Variants in LNX1 observed in about 807,000 individuals in gnomAD.
The protein encoded by LNX1 is ligand of numb-protein X 1.
A neutral mutation model predicts 68.4 loss-of-function variants in LNX1; 54 were observed. The observed-to-expected ratio is 0.79, with a 90% confidence interval of 0.63 to 0.99. The LOEUF (loss-of-function observed/expected upper bound fraction) is 0.99, where lower values mean the gene tolerates loss of function less well. LNX1 is among the 50% of genes least tolerant of loss of function. The pLI is 0.00. For missense variants in LNX1, 906 were observed against 926.4 expected, an observed-to-expected ratio of 0.98 and a Z score of 0.29; for synonymous variants, 336 against 350.0, an observed-to-expected ratio of 0.96 and a Z score of 0.45.
chr4:53,462,744 T>TCATA (rs1560607495), intron 9 of LNX1, among the ~76,000 whole-genome samples: 1 of 152,160 alleles, frequency 6.6e-6, no homozygotes, highest in Non-Finnish European at 1.5e-5. Context: ...GAATCTATCG[T>TCATA]CATACATACA....
intron 2 of LNX1, among the ~76,000 whole-genome samples, chr4:53,557,338 G>T (rs1165443823): frequency 6.6e-6 from 1 of 152,116 alleles, no homozygotes; most frequent in African/African-American, 2.4e-5. Flanking sequence ...AAATATGGGT[G>T]CTCAAGGCAT....
chr4:53,641,566 G>A (rs1026153248), intron 1 of LNX1, among the ~76,000 whole-genome samples: 6 of 152,158 alleles, frequency 3.9e-5, no homozygotes, highest in African/African-American at 1.4e-4. Context: ...TCAACCTAAT[G>A]CACATATTTA....
intron 2 of LNX1, among the ~76,000 whole-genome samples, chr4:53,545,750 G>A (rs1729067046): frequency 6.6e-6 from 1 of 151,136 alleles, no homozygotes; most frequent in African/African-American, 2.4e-5. Flanking sequence ...TACACAGCTA[G>A]TCAGTGATGA....
intron 2 of LNX1, among the ~76,000 whole-genome samples, chr4:53,550,251 C>G (rs116109212): frequency 1.3e-5 from 2 of 152,188 alleles, no homozygotes; most frequent in Non-Finnish European, 2.9e-5. Context: ...ATGTGCTGAA[C>G]TGAAATGCTT....
chr4:53,607,206 G>A (rs1190244917), intron 2 of LNX1, among the ~76,000 whole-genome samples: 1 of 152,162 alleles, frequency 6.6e-6, no homozygotes, highest in Non-Finnish European at 1.5e-5. Flanking sequence ...TCTACACCTA[G>A]AAAATTCCAT....
intron 9 of LNX1, among the ~76,000 whole-genome samples, chr4:53,472,912 G>T (rs1723330946): frequency 6.6e-6 from 1 of 152,080 alleles, no homozygotes; most frequent in Admixed American, 6.6e-5. Flanking sequence ...AACCCTACCA[G>T]TAAGAAGAGA....
chr4:53,552,596 A>T (rs1350891137), intron 2 of LNX1, among the ~76,000 whole-genome samples: 1 of 152,140 alleles, frequency 6.6e-6, no homozygotes, highest in East Asian at 1.9e-4. Flanking sequence ...TGGGAGGCTG[A>T]GGTGGGTGGA....
chr4:53,496,669 C>CT (rs1725088730), intron 5 of LNX1: 1 of 363,642 alleles, frequency 2.7e-6, no homozygotes, highest in Non-Finnish European at 4.9e-6. Flanking sequence ...GAATCCTAGC[C>CT]TTCATTTCTG....
chr4:53,620,185 CTATT>C (rs1160090607), upstream of LNX1, among the ~76,000 whole-genome samples: 1 of 152,276 alleles, frequency 6.6e-6, no homozygotes, highest in African/African-American at 2.4e-5. Flanking sequence ...TGTCATCTGT[CTATT>C]TATCTATCTA....
chr4:53,637,251 A>C (rs143197560), intron 1 of LNX1, among the ~76,000 whole-genome samples: 92 of 152,230 alleles, frequency 6.0e-4, no homozygotes, highest in African/African-American at 2.0e-3. Flanking sequence ...CTTGTGTTTT[A>C]CTTTCTTCAC....
intron 2 of LNX1, among the ~76,000 whole-genome samples, chr4:53,535,477 A>G (rs4334807): frequency 0.089 from 13,525 of 152,268 alleles, 581 homozygotes; most frequent in Non-Finnish European, 0.099. Flanking sequence ...AATCTAACAA[A>G]ACAAATTGGC....
rs148060948 is a variant in LNX1 at position 53,559,582 on chromosome 4, A to G, written c.380+14041T>C. 3.6e-3 allele frequency among the ~76,000 whole-genome samples: 541 copies of G among 152,318 alleles called. 2 individuals carry two copies. The highest frequency in any genetic ancestry group is 0.012 in the African/African-American group (513 of 41,570). ...TAGTGCTTAACTCAGAGTGCTAGTA[A>G]GAAGGTGAAATGAGGCAATGCCCAT... is the stretch of plus-strand genomic sequence containing the variant. On this transcript the variant is annotated intron_variant, in intron 2 of 10. Transcript: ENST00000263925.
intron 2 of LNX1, among the ~76,000 whole-genome samples, chr4:53,566,006 C>T (rs1279289061): frequency 1.3e-5 from 2 of 151,766 alleles, no homozygotes; most frequent in Non-Finnish European, 2.9e-5. Flanking sequence ...TGTGAAGAGA[C>T]CAAATCTACG....
chr4:53,575,959 G>A, intron 1 of LNX1: 1 of 1,564,936 alleles, frequency 6.4e-7, no homozygotes, highest in Non-Finnish European at 8.6e-7. Flanking sequence ...GGAGTGGCTG[G>A]GTGCCCTACT....
intron 1 of LNX1, among the ~76,000 whole-genome samples, chr4:53,626,775 T>C (rs1285499697): frequency 6.8e-6 from 1 of 147,622 alleles, no homozygotes; most frequent in Non-Finnish European, 1.5e-5. Flanking sequence ...CAGGGTTTCT[T>C]AAGGGTTTCA....
intron 1 of LNX1, among the ~76,000 whole-genome samples, chr4:53,626,078 A>T (rs1020355246): frequency 5.2e-4 from 79 of 152,198 alleles, no homozygotes; most frequent in Admixed American, 2.2e-3. Flanking sequence ...GAATATTGAC[A>T]TATGTTGCGA....
chr4:53,582,569 T>C (rs192176396), intron 1 of LNX1, among the ~76,000 whole-genome samples: 7 of 152,366 alleles, frequency 4.6e-5, no homozygotes, highest in Non-Finnish European at 1.0e-4. Flanking sequence ...TTTTGCACAT[T>C]TAAAAGTTAT....
At chr4:53,529,201 A>ACACAATC (rs1329420495) in intron 2 of LNX1, among the ~76,000 whole-genome samples, 4 of 152,050 alleles carry the variant, frequency 2.6e-5, no homozygotes, top group Non-Finnish European at 2.9e-5. Context: ...CACTGAACTG[A>ACACAATC]CACAATCTAG....
upstream of LNX1, among the ~76,000 whole-genome samples, chr4:53,620,629 G>C (rs1169396960): frequency 6.6e-6 from 1 of 152,160 alleles, no homozygotes; most frequent in Admixed American, 6.6e-5. Context: ...TGGATGCACT[G>C]AAGTCCCGGA....
Sources: gnomAD v4.1 joint callset for allele counts (sites outside exome capture counted in the v4.1 genomes callset) on GRCh38, gnomAD v4.1.1 for gene constraint, MANE v1.5 for transcripts, NCBI Gene and HGNC (gene_info 2026-07-23, HGNC 2026-07-21) for gene names.